Variants in ARFGEF3 observed in about 807,000 individuals in gnomAD.
ARFGEF3 encodes ARFGEF family member 3.
ARFGEF3 carries 96 observed loss-of-function variants against 221.7 expected under a neutral mutation model. The observed-to-expected ratio is 0.43, with a 90% CI of 0.37 to 0.51. The LOEUF is 0.51. Ranked by LOEUF, ARFGEF3 falls within the 20% of genes least tolerant of loss-of-function variation. The pLI, the probability that ARFGEF3 is intolerant of heterozygous loss-of-function variation, is 0.00. For missense variants in ARFGEF3, 2,410 were observed against 2,789.9 expected (o/e 0.86, Z 3.07); for synonymous variants, 1,145 against 1,126.8 (o/e 1.02, Z -0.32).
At chr6:138,171,681 A>C (rs949265733) in intron 2 of ARFGEF3, among the ~76,000 whole-genome samples, 14 of 152,240 alleles carry the variant, frequency 9.2e-5, no homozygotes, top group Admixed American at 2.0e-4. Context: ...ACAGTTTAAT[A>C]GATTTTCTTA....
intron 2 of ARFGEF3, among the ~76,000 whole-genome samples, chr6:138,173,930 T>G (rs1776887768): frequency 6.6e-6 from 1 of 152,310 alleles, no homozygotes. Context: ...CAAAGATACA[T>G]CATCTTACTA....
In ARFGEF3 at chr6:138,263,337, A is replaced by G; in HGVS notation, c.1854A>G (p.Ala618=). The change falls in exon 12 of 34, where the codon GCA becomes GCG. Residue 618 remains alanine (A), a synonymous_variant. Coordinates refer to ENST00000251691, the MANE Select transcript of ARFGEF3 (RefSeq NM_020340.5). The part of the protein sequence containing the change: ...FDSCDQYSMA[A]EKDSGRSDVS... ...CCTGTGATCAGTACTCTATGGCAGC[A>G]GAAAAGGACTCGGGCAGGTCCGACG... 2 of 1,614,044 alleles carry G rather than the reference A, an allele frequency of 1.2e-6. No individual in the cohort carries two copies. Among genetic ancestry groups the G allele is most frequent in the Non-Finnish European group, 1.7e-6 (2 of 1,179,900 alleles).
rs554613055 is a variant in ARFGEF3 at position 138,186,952 on chromosome 6, G to A, written c.137+16239G>A. On this transcript the variant is annotated intron_variant, in intron 2 of 33. Coordinates refer to ENST00000251691, the MANE Select transcript of ARFGEF3 (RefSeq NM_020340.5). ...TTTTTTGAGACAGAGTTTCACTCTTGTTGCCCAGGCAGGAGTGCAATGGTG... is the reference window on the plus strand; with the variant it reads ...TTTTTTGAGACAGAGTTTCACTCTTATTGCCCAGGCAGGAGTGCAATGGTG... Among the ~76,000 whole-genome samples the A allele has an allele frequency of 3.4e-3, 246 of 71,482 alleles. 1 individual carries two copies. Among genetic ancestry groups the A allele is most frequent in the Middle Eastern group, 0.031 (2 of 64 alleles). 46.9% of individuals were successfully genotyped at this position (71,482 alleles called of 152,430 possible). A position where few individuals can be genotyped will look rare whatever the true frequency, so the allele number is the denominator to read the frequency against.
chr6:138,204,066 C>T (rs1043778763), intron 2 of ARFGEF3, among the ~76,000 whole-genome samples: 11 of 151,518 alleles, frequency 7.3e-5, no homozygotes, highest in Admixed American at 1.3e-4. Flanking sequence ...AGGCCAGGCG[C>T]GGTGGCTCAC....
At chr6:138,265,554 A>G (rs1778878014) in intron 12 of ARFGEF3, among the ~76,000 whole-genome samples, 1 of 152,060 alleles carries the variant, frequency 6.6e-6, no homozygotes, top group Non-Finnish European at 1.5e-5. Flanking sequence ...GATCTTTTAT[A>G]TCACTGTCAT....
At chr6:138,311,618 C>T (rs1470943806) in intron 25 of ARFGEF3, 108 bp downstream of exon 25, 6 of 714,832 alleles carry the variant, frequency 8.4e-6, no homozygotes, top group African/African-American at 3.5e-5. Context: ...GACACTTTGC[C>T]GTCTGAGGAG....
chr6:138,243,604 T>C (rs887263099), intron 7 of ARFGEF3, among the ~76,000 whole-genome samples: 1 of 152,196 alleles, frequency 6.6e-6, no homozygotes, highest in Non-Finnish European at 1.5e-5. Flanking sequence ...AATATCTGAT[T>C]AAAAAATTGA....
chr6:138,255,628 T>C lies in ARFGEF3; in HGVS notation c.963T>C (p.Thr321=). The C allele has an allele frequency of 6.2e-7, 1 of 1,613,960 alleles. No homozygotes were observed. Among genetic ancestry groups the C allele is most frequent in the South Asian group, 1.1e-5 (1 of 91,078 alleles). ...CCCTGAGCGGACCTGTGGCTCGGAC[T>C]ATCTATTACATCGCAGCCGAGCTGG... The part of the protein sequence containing the change: ...APALSGPVAR[T]IYYIAAELVR... Residue 321 remains threonine (T), a synonymous_variant, in exon 10 of 34, where the codon ACT becomes ACC. Transcript: ENST00000251691.
At position 138,162,114 on chromosome 6, in the gene ARFGEF3, A is replaced by G; in HGVS notation, c.28A>G (p.Lys10Glu). ...GGAAGAAATCCTGAGGAAGCTGCAG[A>G]AGGAGGCGTCCGGGAGCAAGTACAA... Reference protein sequence around the residue: MEEILRKLQKEASGSKYKAI... With the variant: MEEILRKLQEEASGSKYKAI... Residue 10 changes from lysine to glutamate, a missense_variant, in exon 1 of 34, where the codon AAG becomes GAG. By Grantham distance (56) the Lys-to-Glu change is moderately conservative. Around this residue, in one of 5 missense-constraint regions of ARFGEF3, gnomAD observed 570 missense variants for 586.9 expected, o/e 0.97. Transcript: ENST00000251691. This position sits in a 1 kb window ranked among gnomAD's most constrained non-coding sequence, Gnocchi z 4.7. 6.2e-7 allele frequency: 1 copy of G among 1,604,530 alleles called. No homozygotes were observed.
At chr6:138,242,289 C>T (rs1176499520) in intron 6 of ARFGEF3, among the ~76,000 whole-genome samples, 2 of 152,214 alleles carry the variant, frequency 1.3e-5, no homozygotes, top group South Asian at 2.1e-4. Flanking sequence ...TGAGTTATCC[C>T]TGCAATGGGA....
Position 138,243,263 on chromosome 6 carries a change from G to A in ARFGEF3, c.586+269G>A, listed in dbSNP as rs529032800. Among the ~76,000 whole-genome samples, 180 of 152,180 alleles carry A rather than the reference G, an allele frequency of 1.2e-3. 1 individual carries two copies. Among genetic ancestry groups the A allele is most frequent in the African/African-American group, 4.2e-3 (173 of 41,532 alleles). On this transcript the variant is annotated intron_variant, in intron 7 of 33. Coordinates refer to ENST00000251691, the MANE Select transcript of ARFGEF3 (RefSeq NM_020340.5). ...CTTCACATACCTCTCATTTGGAGGC[G>A]GGCTTTGTTAGTTACTTCATTCTCC...
intron 33 of ARFGEF3, 53 bp downstream of exon 33, chr6:138,335,241 G>C (rs1226726107): frequency 6.8e-7 from 1 of 1,472,384 alleles, no homozygotes; most frequent in African/African-American, 1.4e-5. Flanking sequence ...TCCAGTACTG[G>C]ATGGGCCCCC....
At chr6:138,278,412 T>G in intron 12 of ARFGEF3, 39 bp from the exon 13 acceptor site, 1 of 1,599,000 alleles carries the variant, frequency 6.3e-7, no homozygotes, top group Non-Finnish European at 8.5e-7. Context: ...CCAAGCACAC[T>G]GTTCACACCC....
chr6:138,335,170 C>T lies in ARFGEF3; in HGVS notation c.6324C>T (p.Asp2108=), dbSNP rs979930387. 5 of 1,551,974 alleles carry T rather than the reference C, an allele frequency of 3.2e-6. No homozygotes were observed. Among genetic ancestry groups the T allele is most frequent in the East Asian group, 2.3e-5 (1 of 44,328 alleles). Residue 2108 remains aspartate (D), a synonymous_variant, in exon 33 of 34, where the codon GAC becomes GAT. Coordinates refer to ENST00000251691, the MANE Select transcript of ARFGEF3 (RefSeq NM_020340.5). ...TGSSLSVSVR[D]AEAQIQAWTN... is the part of the protein sequence containing the mutation. ...GCTCCCTCAGTGTCTCGGTGAGAGACGCAGAAGCACAGATCCAGGTACATC... is the reference window on the plus strand; with the variant it reads ...GCTCCCTCAGTGTCTCGGTGAGAGATGCAGAAGCACAGATCCAGGTACATC...
chr6:138,272,067 A>G (rs1562375246), intron 12 of ARFGEF3, among the ~76,000 whole-genome samples: 1 of 152,224 alleles, frequency 6.6e-6, no homozygotes, highest in Non-Finnish European at 1.5e-5. Flanking sequence ...GATACCTGGC[A>G]TCTCACTGGC....
In ARFGEF3 at chr6:138,207,069, G is replaced by A; in HGVS notation, c.165G>A (p.Leu55=). ...LREKCLLPLQ[L]ALESKNVKLA... is the part of the protein sequence containing the mutation. The stretch of plus-strand genomic sequence containing the variant: ...AGAAATGCCTGCTGCCTCTCCAGTT[G>A]GCTTTGGAATCCAAGAATGTGAAGC... The change falls in exon 3 of 34, where the codon TTG becomes TTA. Residue 55 remains leucine, a synonymous_variant. Transcript: ENST00000251691. The A allele has an allele frequency of 6.2e-7, 1 of 1,611,214 alleles. No individual in the cohort carries two copies. Among genetic ancestry groups the A allele is most frequent in the Non-Finnish European group, 8.5e-7 (1 of 1,178,904 alleles).
intron 2 of ARFGEF3, among the ~76,000 whole-genome samples, chr6:138,172,415 C>T (rs541079221): frequency 6.6e-6 from 1 of 152,184 alleles, no homozygotes; most frequent in African/African-American, 2.4e-5. Flanking sequence ...AAAACCACAC[C>T]TGTTACCCAC....
chr6:138,233,566 T>C (rs1036934393), intron 5 of ARFGEF3, among the ~76,000 whole-genome samples: 1 of 151,780 alleles, frequency 6.6e-6, no homozygotes. Context: ...TTTAGTAGAG[T>C]TGGGATTTCG....
At position 138,337,955 on chromosome 6, in the gene ARFGEF3, T is replaced by A. The variant is rs1405150417; in HGVS notation, c.*1469T>A. On this transcript the variant is annotated 3_prime_UTR_variant, in exon 34 of 34. Coordinates refer to ENST00000251691, the MANE Select transcript of ARFGEF3 (RefSeq NM_020340.5). ...AATTCTACAGTATTGAAATAAGGAT[T>A]TAAAGGGGTATTTGTAAACTTTGCC... 2 of 152,118 alleles carry A rather than the reference T, an allele frequency of 1.3e-5. No individual in the cohort carries two copies. The highest frequency in any genetic ancestry group is 4.8e-5 in the African/African-American group (2 of 41,420). The allele number at this position is 152,118 out of a possible 1,614,324, so 9.4% of individuals were successfully genotyped here.
Sources: allele counts gnomAD v4.1 joint callset (sites outside exome capture counted in the v4.1 genomes callset), GRCh38; gene constraint gnomAD v4.1.1; regional missense constraint gnomAD v4.1.1; non-coding constraint Gnocchi (gnomAD v3.1); transcripts MANE v1.5; gene names NCBI Gene and HGNC (gene_info 2026-07-23, HGNC 2026-07-21).